The following CCND3 variants were observed in gnomAD, a reference collection of about 807,000 sequenced individuals.
CCND3 encodes the protein cyclin D3, also known as G1/S-specific cyclin-D3.
Under a neutral mutation model 28.7 loss-of-function variants are expected in CCND3, and 9 were observed. The observed-to-expected ratio is 0.31, with a 90% CI of 0.19 to 0.55. CCND3 has a LOEUF of 0.55. Ranked by LOEUF, CCND3 falls within the 20% of genes least tolerant of loss-of-function variation. The probability of loss-of-function intolerance (pLI) is 0.93; values close to 1 mark genes in which losing one functional copy is unlikely to be tolerated. For synonymous variants in CCND3, 164 were observed against 163.9 expected (o/e 1.00, Z 0.00); for missense variants, 315 against 385.8 (o/e 0.82, Z 1.54).
At chr6:42,021,525 A>G (rs376859655) in intron 1 of CCND3, among the ~76,000 whole-genome samples, 7 of 152,234 alleles carry the variant, frequency 4.6e-5, no homozygotes, top group African/African-American at 1.4e-4. Flanking sequence ...GTCCTCAAAG[A>G]GCTCCTAGTC....
intron 1 of CCND3, among the ~76,000 whole-genome samples, chr6:42,039,176 C>T (rs117075283): frequency 0.013 from 2,002 of 152,256 alleles, 57 homozygotes; most frequent in East Asian, 0.095. Flanking sequence ...AAGAGAATGT[C>T]CAAATCATGT....
intron 1 of CCND3, among the ~76,000 whole-genome samples, chr6:42,040,405 G>A (rs4236078): frequency 0.44 from 66,340 of 151,012 alleles, 14,608 homozygotes; most frequent in East Asian, 0.5. Context: ...GCAACAGAGC[G>A]AGACTCTGTC....
At chr6:41,971,978 C>T (rs1366623246) in intron 1 of CCND3, among the ~76,000 whole-genome samples, 3 of 150,314 alleles carry the variant, frequency 2.0e-5, no homozygotes, top group Non-Finnish European at 4.4e-5. Flanking sequence ...GTAATCCCAG[C>T]ACTTTGGGAG....
chr6:42,027,421 G>C (rs565080147), intron 1 of CCND3, among the ~76,000 whole-genome samples: 102 of 143,032 alleles, frequency 7.1e-4, no homozygotes, highest in Middle Eastern at 3.5e-3. Context: ...GCCTGAGTGA[G>C]AGAGCGAGGC....
At chr6:41,940,852 A>C (rs1775982937) in intron 1 of CCND3, 2 of 1,182,594 alleles carry the variant, frequency 1.7e-6, no homozygotes, top group African/African-American at 1.5e-5. Context: ...CCAAACGGAG[A>C]CTCCCCTCCC....
chr6:41,988,699 C>CTTTTTT (rs758582662), intron 1 of CCND3, among the ~76,000 whole-genome samples: 13 of 96,726 alleles, frequency 1.3e-4, no homozygotes, highest in African/African-American at 3.4e-4. Context: ...AACTTCTTTT[C>CTTTTTT]TTTTTTTTTT....
chr6:41,940,400 G>A lies in CCND3; in HGVS notation c.384C>T (p.Thr128=), dbSNP rs773488180. The A allele has an allele frequency of 2.3e-5, 37 of 1,614,028 alleles. 1 individual carries two copies. The highest frequency in any genetic ancestry group is 8.8e-5 in the South Asian group (8 of 91,086). The part of the protein sequence containing the change: ...PLTIEKLCIY[T]DHAVSPRQLR... ...ACTGGCGGGGAGAGACAGCGTGGTCGGTGTAGATGCACAGTTTTTCGATGG... is the reference window on the plus strand; with the variant it reads ...ACTGGCGGGGAGAGACAGCGTGGTCAGTGTAGATGCACAGTTTTTCGATGG... Residue 128 remains threonine (T), a synonymous_variant, in exon 2 of 5, where the codon ACC becomes ACT. Coordinates refer to ENST00000372991, the MANE Select transcript of CCND3 (RefSeq NM_001760.5).
chr6:42,030,621 C>T (rs886575344), intron 1 of CCND3, among the ~76,000 whole-genome samples: 3 of 152,220 alleles, frequency 2.0e-5, no homozygotes, highest in Non-Finnish European at 4.4e-5. Flanking sequence ...CAGGTCCTGC[C>T]TCGCCTTCCC....
intron 1 of CCND3, among the ~76,000 whole-genome samples, chr6:41,959,407 G>A (rs932991670): frequency 2.0e-5 from 3 of 152,088 alleles, no homozygotes; most frequent in Non-Finnish European, 4.4e-5. Context: ...CAGGCCAGGC[G>A]CAGTGGCTCA....
At position 41,964,290 on chromosome 6, in the gene CCND3, G is replaced by A. The variant is rs549532691; in HGVS notation, c.-45-23705C>T. Reference sequence around the variant, plus strand: ...TCCTCCAGCGTGTGTATGTGTGTGTGTGTGAGTATGTGTGAATGTGTGTGA... The same window carrying A: ...TCCTCCAGCGTGTGTATGTGTGTGTATGTGAGTATGTGTGAATGTGTGTGA... On this transcript the variant is annotated intron_variant, in intron 1 of 4. Coordinates refer to the CCND3 transcript ENST00000372988. Among the ~76,000 whole-genome samples the A allele has an allele frequency of 2.6e-5, 4 of 152,134 alleles. No individual in the cohort carries two copies. In the South Asian group the frequency reaches 8.3e-4, roughly 32 times the overall value.
At chr6:41,996,430 G>T (rs1012365703) in intron 1 of CCND3, among the ~76,000 whole-genome samples, 1 of 151,814 alleles carries the variant, frequency 6.6e-6, no homozygotes, top group Non-Finnish European at 1.5e-5. Flanking sequence ...GATTACAGGT[G>T]TAAGCCACCG....
chr6:41,944,610 C>A (rs554234527), upstream of CCND3, among the ~76,000 whole-genome samples: 2 of 152,014 alleles, frequency 1.3e-5, no homozygotes, highest in Non-Finnish European at 2.9e-5. Flanking sequence ...TCAGTAGATA[C>A]GGGATTTCAC....
chr6:41,970,249 G>A (rs1180551696), intron 1 of CCND3, among the ~76,000 whole-genome samples: 1 of 152,134 alleles, frequency 6.6e-6, no homozygotes, highest in East Asian at 1.9e-4. Context: ...TGAGGCAGGA[G>A]AATCGCTTGA....
At chr6:41,982,459 C>T (rs1290614829) in intron 1 of CCND3, among the ~76,000 whole-genome samples, 1 of 152,088 alleles carries the variant, frequency 6.6e-6, no homozygotes, top group East Asian at 1.9e-4. Flanking sequence ...CAAAGCAGAA[C>T]TCAATCAATA....
intron 1 of CCND3, among the ~76,000 whole-genome samples, chr6:41,980,975 AAGG>A: frequency 6.6e-6 from 1 of 152,300 alleles, no homozygotes; most frequent in African/African-American, 2.4e-5. Flanking sequence ...GGAACAAGCG[AAGG>A]AGGTTTTCTC....
intron 1 of CCND3, among the ~76,000 whole-genome samples, chr6:41,952,299 C>A (rs1028921415): frequency 5.3e-5 from 8 of 152,134 alleles, no homozygotes; most frequent in Non-Finnish European, 4.4e-5. Flanking sequence ...ACCTGAGAGG[C>A]GATTCCATGA....
intron 1 of CCND3, among the ~76,000 whole-genome samples, chr6:42,026,510 G>T (rs1193087017): frequency 1.3e-5 from 2 of 152,134 alleles, no homozygotes; most frequent in African/African-American, 2.4e-5. Flanking sequence ...AAGAAGTCCA[G>T]CTGGGAACAT....
chr6:42,024,427 A>G (rs1431517187), intron 1 of CCND3, among the ~76,000 whole-genome samples: 1 of 144,316 alleles, frequency 6.9e-6, no homozygotes, highest in African/African-American at 2.6e-5. Flanking sequence ...ATAATAATTC[A>G]CCCTGATAAC....
chr6:42,025,193 G>A (rs1317495957), intron 1 of CCND3, among the ~76,000 whole-genome samples: 1 of 152,234 alleles, frequency 6.6e-6, no homozygotes, highest in African/African-American at 2.4e-5. Flanking sequence ...GGATCTAACT[G>A]TGAGAGGAAA....
Sources: allele counts gnomAD v4.1 joint callset (sites outside exome capture counted in the v4.1 genomes callset), GRCh38; gene constraint gnomAD v4.1.1; transcripts MANE v1.5; gene names NCBI Gene and HGNC (gene_info 2026-07-23, HGNC 2026-07-21).